Variants in FSTL5 observed in about 807,000 individuals in gnomAD.
The protein encoded by FSTL5 is follistatin-related protein 5.
FSTL5 carries 62 observed loss-of-function variants against 89.1 expected under a neutral mutation model. The ratio of observed to expected loss-of-function variants is 0.70; its 90% CI spans 0.57 to 0.86. The LOEUF (loss-of-function observed/expected upper bound fraction) is 0.86. Ranked by LOEUF, FSTL5 falls within the 40% of genes least tolerant of loss-of-function variation. The pLI, the probability that FSTL5 is intolerant of heterozygous loss-of-function variation, is 0.00. For missense variants in FSTL5, 1,057 were observed against 1,001.6 expected (o/e 1.06, Z -0.75); for synonymous variants, 383 against 346.2 (o/e 1.11, Z -1.18).
At chr4:161,778,568 C>G (rs1409940647) in intron 4 of FSTL5, among the ~76,000 whole-genome samples, 1 of 152,168 alleles carries the variant, frequency 6.6e-6, no homozygotes, top group Admixed American at 6.5e-5. Flanking sequence ...TTTTCAAAGA[C>G]AGTGAAATTA....
In FSTL5 at chr4:161,457,061, G is replaced by A. The variant is rs79427875; in HGVS notation, c.1717-1933C>T. On this transcript the variant is annotated intron_variant, in intron 14 of 15. Transcript: ENST00000306100. ...TTCAGGGTAGCATTAGGCTCTCCAC[G>A]TGACCCAAAGTTGATTATGGCTGAG... 8.5e-3 allele frequency among the ~76,000 whole-genome samples: 1,301 copies of A among 152,198 alleles called. 17 individuals are homozygous for A. Among genetic ancestry groups the A allele is most frequent in the African/African-American group, 0.03 (1,238 of 41,530 alleles).
intron 3 of FSTL5, among the ~76,000 whole-genome samples, chr4:161,968,685 CA>C (rs1735393186): frequency 6.6e-6 from 1 of 151,948 alleles, no homozygotes; most frequent in Non-Finnish European, 1.5e-5. Flanking sequence ...CCTAGCCAAG[CA>C]ATAATTCCAT....
chr4:161,967,316 A>T (rs1271082469), intron 3 of FSTL5, among the ~76,000 whole-genome samples: 2 of 152,012 alleles, frequency 1.3e-5, no homozygotes, highest in Non-Finnish European at 2.9e-5. Context: ...ATTGAGCAAG[A>T]AACAAGAAAA....
rs546926965 is a variant in FSTL5, at chr4:161,494,532, T to C, written c.1458+5484A>G. On this transcript the variant is annotated intron_variant, in intron 12 of 15. Coordinates refer to ENST00000306100, the MANE Select transcript of FSTL5 (RefSeq NM_020116.5). ...GACCATTGAGCTTCCCAATTTCTAA[T>C]CTCAGTTTCAATTTCTTGAAACGTA... 4.6e-5 allele frequency among the ~76,000 whole-genome samples: 7 copies of C among 152,314 alleles called. No individual in the cohort carries two copies. The East Asian group carries it at 1.4e-3, about 29-fold the overall frequency.
chr4:161,465,577 G>T (rs999666216), intron 13 of FSTL5, among the ~76,000 whole-genome samples: 1 of 152,012 alleles, frequency 6.6e-6, no homozygotes, highest in Non-Finnish European at 1.5e-5. Context: ...CACCACAACC[G>T]GCAGTATAAT....
intron 2 of FSTL5, chr4:162,043,096 T>TA (rs944370659): frequency 1.2e-4 from 18 of 151,650 alleles, no homozygotes; most frequent in Middle Eastern, 3.2e-3. Flanking sequence ...TAAAGTATAA[T>TA]AAAAAAAACA....
chr4:161,785,090 T>C (rs1352751052), intron 4 of FSTL5, among the ~76,000 whole-genome samples: 1 of 152,086 alleles, frequency 6.6e-6, no homozygotes, highest in East Asian at 1.9e-4. Flanking sequence ...AGCATAACTT[T>C]GAAAACACAA....
chr4:161,787,185 C>A lies in FSTL5; in HGVS notation c.410-11111G>T, dbSNP rs528984533. Among the ~76,000 whole-genome samples, 25 of 152,064 alleles carry A rather than the reference C, an allele frequency of 1.6e-4. No individual in the cohort carries two copies. The East Asian group carries it at 1.7e-3, about 11-fold the overall frequency. ...CAGTGGATAAATATAATGAAAATGACAAAATAATTTATAAATGAGATGTTT... is the reference window on the plus strand; with the variant it reads ...CAGTGGATAAATATAATGAAAATGAAAAAATAATTTATAAATGAGATGTTT... On this transcript the variant is annotated intron_variant, in intron 4 of 15. Coordinates refer to ENST00000306100, the MANE Select transcript of FSTL5 (RefSeq NM_020116.5).
At chr4:161,993,357 A>G (rs1736193397) in intron 3 of FSTL5, among the ~76,000 whole-genome samples, 1 of 152,116 alleles carries the variant, frequency 6.6e-6, no homozygotes, top group Admixed American at 6.6e-5. Context: ...AATATTTATG[A>G]GAAATATAAT....
At chr4:161,428,563 T>C (rs1454439879) in intron 15 of FSTL5, among the ~76,000 whole-genome samples, 1 of 152,144 alleles carries the variant, frequency 6.6e-6, no homozygotes, top group Non-Finnish European at 1.5e-5. Context: ...TTGGCAGAGC[T>C]CTCAGGCCCC....
intron 4 of FSTL5, among the ~76,000 whole-genome samples, chr4:161,811,091 A>C (rs1024496676): frequency 9.2e-5 from 14 of 152,202 alleles, no homozygotes; most frequent in African/African-American, 3.4e-4. Flanking sequence ...AACATAAATA[A>C]ATACAAATAT....
chr4:162,039,565 G>C (rs1464659661), intron 2 of FSTL5, among the ~76,000 whole-genome samples: 2 of 151,844 alleles, frequency 1.3e-5, no homozygotes, highest in Non-Finnish European at 2.9e-5. Flanking sequence ...GGCATAAGTT[G>C]AGAAACTATA....
chr4:161,450,537 T>C (rs1180754228), intron 15 of FSTL5, among the ~76,000 whole-genome samples: 1 of 152,204 alleles, frequency 6.6e-6, no homozygotes, highest in Non-Finnish European at 1.5e-5. Flanking sequence ...AATATTCAAG[T>C]ATATCTATTT....
chr4:161,440,372 C>T (rs1732718269), intron 15 of FSTL5, among the ~76,000 whole-genome samples: 1 of 151,240 alleles, frequency 6.6e-6, no homozygotes, highest in Admixed American at 6.6e-5. Context: ...TGTCCTGGGG[C>T]ACACATAAAA....
chr4:161,912,536 C>G (rs900071095), intron 4 of FSTL5, among the ~76,000 whole-genome samples: 5 of 152,136 alleles, frequency 3.3e-5, no homozygotes, highest in African/African-American at 1.2e-4. Flanking sequence ...TAAGAAGTGC[C>G]TTTCACCTTC....
chr4:161,751,377 A>G (rs1481167573), intron 6 of FSTL5, among the ~76,000 whole-genome samples: 1 of 152,172 alleles, frequency 6.6e-6, no homozygotes, highest in African/African-American at 2.4e-5. Flanking sequence ...CATTTTGGAA[A>G]ATCCTTTCCC....
chr4:161,479,541 A>C (rs1446979973), intron 13 of FSTL5, among the ~76,000 whole-genome samples: 4 of 152,130 alleles, frequency 2.6e-5, no homozygotes, highest in Non-Finnish European at 5.9e-5. Context: ...AATGCTTGTC[A>C]TTTGTGTTGG....
intron 10 of FSTL5, among the ~76,000 whole-genome samples, chr4:161,521,039 A>C (rs1436922541): frequency 1.3e-5 from 2 of 152,196 alleles, no homozygotes; most frequent in Non-Finnish European, 2.9e-5. Flanking sequence ...TTACTCAAAA[A>C]ACATTAATAT....
rs139108966 is a variant in FSTL5 at position 161,780,289 on chromosome 4, C to A, written c.410-4215G>T. Among the ~76,000 whole-genome samples the A allele has an allele frequency of 9.3e-3, 1,408 of 151,316 alleles. 20 individuals are homozygous for A. Among genetic ancestry groups the A allele is most frequent in the East Asian group, 0.031 (159 of 5,116 alleles). On this transcript the variant is annotated intron_variant, in intron 4 of 15. Transcript: ENST00000306100. ...AAGAAGAGACATTTAGAAATTGTGC[C>A]CCCTCCCCAAGTCCAAAAATAGCAC...
Sources: gnomAD v4.1 joint callset for allele counts (sites outside exome capture counted in the v4.1 genomes callset) on GRCh38, gnomAD v4.1.1 for gene constraint, MANE v1.5 for transcripts, NCBI Gene and HGNC (gene_info 2026-07-23, HGNC 2026-07-21) for gene names.